Variants in CCSER1 observed in about 807,000 individuals in gnomAD.
CCSER1 encodes the protein serine-rich coiled-coil domain-containing protein 1.
CCSER1 carries 41 observed loss-of-function variants against 82.0 expected under a neutral mutation model. That is an observed-to-expected ratio of 0.50 (90% CI 0.39 to 0.65). The LOEUF is 0.65. Ranked by LOEUF, CCSER1 falls within the 30% of genes least tolerant of loss-of-function variation. The pLI is 0.00. For synonymous variants in CCSER1, 414 were observed against 383.9 expected (o/e 1.08, Z -0.92); for missense variants, 1,119 against 1,064.2 (o/e 1.05, Z -0.72).
At chr4:90,826,862 A>C (rs1408350381) in intron 8 of CCSER1, among the ~76,000 whole-genome samples, 1 of 152,242 alleles carries the variant, frequency 6.6e-6, no homozygotes, top group African/African-American at 2.4e-5. Context: ...GTTACCATTC[A>C]TCTGGTAGTA....
At chr4:91,251,208 T>C (rs1740232224) in intron 10 of CCSER1, among the ~76,000 whole-genome samples, 1 of 152,138 alleles carries the variant, frequency 6.6e-6, no homozygotes. Context: ...AAGTCCAAGA[T>C]CAGGGTGCCA....
At chr4:91,595,465 A>G (rs1343642067) in intron 10 of CCSER1, among the ~76,000 whole-genome samples, 1 of 152,158 alleles carries the variant, frequency 6.6e-6, no homozygotes, top group Non-Finnish European at 1.5e-5. Context: ...AAAAGATGAA[A>G]TAAATACCTC....
intron 10 of CCSER1, among the ~76,000 whole-genome samples, chr4:91,481,690 A>G (rs1228550337): frequency 2.6e-5 from 4 of 152,202 alleles, no homozygotes; most frequent in African/African-American, 9.7e-5. Flanking sequence ...CATTGCTACA[A>G]TCAGCCACAT....
intron 3 of CCSER1, among the ~76,000 whole-genome samples, chr4:90,363,250 T>C (rs1270595301): frequency 1.3e-5 from 2 of 152,200 alleles, no homozygotes; most frequent in East Asian, 1.9e-4. Context: ...GCACTTGTCA[T>C]AGTATTTTGT....
At chr4:90,962,451 TA>T (rs961885148) in intron 9 of CCSER1, among the ~76,000 whole-genome samples, 17 of 152,180 alleles carry the variant, frequency 1.1e-4, no homozygotes, top group South Asian at 4.1e-4. Flanking sequence ...AGCTTAATTT[TA>T]AAAAAGGAAT....
intron 10 of CCSER1, among the ~76,000 whole-genome samples, chr4:91,330,036 A>G (rs755306543): frequency 6.6e-6 from 1 of 151,710 alleles, no homozygotes; most frequent in Non-Finnish European, 1.5e-5. Context: ...GTTTTATTCT[A>G]ACTTCTTATT....
chr4:90,455,601 T>A (rs1762063576), intron 4 of CCSER1, among the ~76,000 whole-genome samples: 1 of 152,096 alleles, frequency 6.6e-6, no homozygotes, highest in South Asian at 2.1e-4. Flanking sequence ...AAAAAGGGCA[T>A]CCCTTTCTTT....
At chr4:90,896,868 A>G (rs1379084688) in intron 8 of CCSER1, among the ~76,000 whole-genome samples, 1 of 151,974 alleles carries the variant, frequency 6.6e-6, no homozygotes, top group African/African-American at 2.4e-5. Context: ...TATGCAAAAA[A>G]TGTTTAATGT....
At chr4:90,802,540 TA>T (rs1000208810) in intron 7 of CCSER1, among the ~76,000 whole-genome samples, 12 of 148,082 alleles carry the variant, frequency 8.1e-5, no homozygotes, top group South Asian at 2.1e-4. Context: ...TTAATGTTTA[TA>T]AAAAAATTTT....
intron 7 of CCSER1, among the ~76,000 whole-genome samples, chr4:90,735,584 C>T (rs1301513523): frequency 2.0e-5 from 3 of 152,048 alleles, no homozygotes; most frequent in Non-Finnish European, 4.4e-5. Context: ...TCCATTTCTT[C>T]TACATTTTCT....
intron 10 of CCSER1, among the ~76,000 whole-genome samples, chr4:91,267,284 A>G (rs1167006184): frequency 6.6e-6 from 1 of 151,812 alleles, no homozygotes; most frequent in Non-Finnish European, 1.5e-5. Context: ...TTTGTTTTTT[A>G]TTAGTTTTTT....
intron 6 of CCSER1, among the ~76,000 whole-genome samples, chr4:90,722,980 G>A (rs1742935398): frequency 6.6e-6 from 1 of 151,882 alleles, no homozygotes; most frequent in South Asian, 2.1e-4. Flanking sequence ...TCTCACTTGA[G>A]GTGAATTCAT....
At chr4:90,592,470 A>G (rs1019357235) in intron 5 of CCSER1, among the ~76,000 whole-genome samples, 1 of 152,174 alleles carries the variant, frequency 6.6e-6, no homozygotes, top group African/African-American at 2.4e-5. Context: ...TGAGGATTGG[A>G]TAAGCATGTG....
chr4:90,573,760 AT>A (rs1204645076), intron 5 of CCSER1, among the ~76,000 whole-genome samples: 1 of 151,998 alleles, frequency 6.6e-6, no homozygotes, highest in Non-Finnish European at 1.5e-5. Context: ...TTGCTATTGT[AT>A]TTTTTAAAGT....
chr4:91,444,391 C>G (rs1755413903), intron 10 of CCSER1, among the ~76,000 whole-genome samples: 1 of 151,936 alleles, frequency 6.6e-6, no homozygotes, highest in Non-Finnish European at 1.5e-5. Context: ...AATAGGAAAG[C>G]AAAGTGATGC....
intron 10 of CCSER1, among the ~76,000 whole-genome samples, chr4:91,340,461 C>CA (rs1467500813): frequency 6.6e-6 from 1 of 152,034 alleles, no homozygotes; most frequent in African/African-American, 2.4e-5. Context: ...GGCTAGTTGA[C>CA]AAAAACATTT....
intron 9 of CCSER1, among the ~76,000 whole-genome samples, chr4:90,996,686 C>A (rs907959788): frequency 5.3e-5 from 8 of 152,058 alleles, no homozygotes; most frequent in African/African-American, 1.9e-4. Flanking sequence ...ATTCCCAAAC[C>A]TAGAAAACAT....
intron 7 of CCSER1, among the ~76,000 whole-genome samples, chr4:90,731,050 A>G (rs1580193874): frequency 6.6e-6 from 1 of 152,034 alleles, no homozygotes; most frequent in African/African-American, 2.4e-5. Flanking sequence ...TACTGAGTCA[A>G]GGCTCCTATA....
chr4:91,576,873 C>A (rs1263497359), intron 10 of CCSER1, among the ~76,000 whole-genome samples: 5 of 151,910 alleles, frequency 3.3e-5, no homozygotes, highest in Non-Finnish European at 4.4e-5. Context: ...ATTTTCAGCA[C>A]ACAAAGGTAA....
Sources: gnomAD v4.1 joint callset for allele counts (sites outside exome capture counted in the v4.1 genomes callset) on GRCh38, gnomAD v4.1.1 for gene constraint, MANE v1.5 for transcripts, NCBI Gene and HGNC (gene_info 2026-07-23, HGNC 2026-07-21) for gene names.